Variants in CELF2 observed in about 807,000 individuals in gnomAD.
CELF2 encodes CUGBP Elav-like family member 2.
Under a neutral mutation model 62.6 loss-of-function variants are expected in CELF2, and 8 were observed. The ratio of observed to expected loss-of-function variants is 0.13; its 90% CI spans 0.07 to 0.23. The LOEUF is 0.23. Among genes scored for constraint, CELF2 ranks in the 10% least tolerant of loss-of-function variants. The pLI, the probability that CELF2 is intolerant of heterozygous loss-of-function variation, is 1.00. For missense variants in CELF2, 333 were observed against 671.0 expected, an observed-to-expected ratio of 0.50 and a Z score of 5.56; for synonymous variants, 258 against 250.0, an observed-to-expected ratio of 1.03 and a Z score of -0.30.
the CELF2 span, among the ~76,000 whole-genome samples, chr10:10,631,929 T>C: frequency 1.3e-5 from 2 of 152,198 alleles, no homozygotes; most frequent in African/African-American, 2.4e-5. Context: ...CTACATTTTT[T>C]GGAGTTGCAG....
chr10:11,114,310 A>T (rs770146570), intron 1 of CELF2, among the ~76,000 whole-genome samples: 1 of 152,246 alleles, frequency 6.6e-6, no homozygotes, highest in Non-Finnish European at 1.5e-5. Context: ...CCACAAGCAT[A>T]ATAGGTCAAT....
At chr10:11,298,889 G>A (rs754701425) in intron 9 of CELF2, among the ~76,000 whole-genome samples, 2 of 152,032 alleles carry the variant, frequency 1.3e-5, no homozygotes, top group East Asian at 3.8e-4. Context: ...AATAAGGTCC[G>A]ATGATGTTTA....
chr10:10,632,485 A>C, the CELF2 span, among the ~76,000 whole-genome samples: 4 of 152,124 alleles, frequency 2.6e-5, no homozygotes, highest in Admixed American at 2.6e-4. Flanking sequence ...AAAAAAGGAG[A>C]TAATCTAGAC....
At chr10:10,547,089 A>C in the CELF2 span, among the ~76,000 whole-genome samples, 1 of 152,332 alleles carries the variant, frequency 6.6e-6, no homozygotes, top group African/African-American at 2.4e-5. Flanking sequence ...CCTGGGCAAC[A>C]GAGTGAGACT....
At chr10:10,967,475 A>G (rs537180514) in intron 2 of CELF2, among the ~76,000 whole-genome samples, 1 of 152,236 alleles carries the variant, frequency 6.6e-6, no homozygotes, top group South Asian at 2.1e-4. Context: ...CGAGAGGGAA[A>G]TAAACATGCA....
Position 11,008,838 on chromosome 10 carries a change from C to T in CELF2, c.53+3398C>T. Among the ~76,000 whole-genome samples the T allele has an allele frequency of 6.6e-6, 1 of 152,128 alleles. No homozygotes were observed. The highest frequency in any genetic ancestry group is 1.9e-4 in the East Asian group (1 of 5,192). ...TGGAGATTTCTGTAACAGTCATTAA[C>T]AGAATGCAGTTTGTTTTGTGGCATC... On this transcript the variant is annotated intron_variant, in intron 1 of 12. Transcript: ENST00000416382. The surrounding 1 kb of genome is among the most constrained non-coding windows in gnomAD (Gnocchi z 4.5).
intron 1 of CELF2, among the ~76,000 whole-genome samples, chr10:11,084,592 G>C (rs1250825989): frequency 6.6e-6 from 1 of 152,132 alleles, no homozygotes; most frequent in Non-Finnish European, 1.5e-5. Context: ...TGATAATCAT[G>C]CACTTAAATT....
chr10:10,582,600 A>T, the CELF2 span, among the ~76,000 whole-genome samples: 1 of 152,140 alleles, frequency 6.6e-6, no homozygotes, highest in African/African-American at 2.4e-5. Context: ...GTAATGAGTA[A>T]TTTCCTCAGT....
chr10:11,005,177 T>C, upstream of CELF2: 1 of 1,433,468 alleles, frequency 7.0e-7, no homozygotes, highest in South Asian at 1.5e-5. The surrounding 1 kb of genome is among the most constrained non-coding windows in gnomAD (Gnocchi z 4.3). Context: ...TTATTTCTAC[T>C]TAGTGAATCT....
intron 1 of CELF2, among the ~76,000 whole-genome samples, chr10:10,883,537 G>T (rs2061566127): frequency 6.6e-6 from 1 of 152,124 alleles, no homozygotes; most frequent in South Asian, 2.1e-4. Flanking sequence ...CATGGATGCT[G>T]CCACCCGGAA....
the CELF2 span, among the ~76,000 whole-genome samples, chr10:10,507,817 C>T: frequency 4.6e-5 from 7 of 152,066 alleles, no homozygotes; most frequent in African/African-American, 1.7e-4. Flanking sequence ...AGGAATCATG[C>T]TTAAAAAAAT....
chr10:11,216,348 G>T (rs1010205313), intron 2 of CELF2, among the ~76,000 whole-genome samples: 2 of 151,980 alleles, frequency 1.3e-5, no homozygotes, highest in African/African-American at 4.8e-5. Context: ...AGCTCTTCTG[G>T]CCCCTGTCTG....
chr10:10,863,165 A>T (rs1199540605), intron 1 of CELF2, among the ~76,000 whole-genome samples: 2 of 151,900 alleles, frequency 1.3e-5, no homozygotes, highest in Non-Finnish European at 2.9e-5. Context: ...AAAGAACCCT[A>T]CTCCTCCTCC....
the CELF2 span, among the ~76,000 whole-genome samples, chr10:10,553,531 C>T: frequency 6.6e-6 from 1 of 152,120 alleles, no homozygotes. Flanking sequence ...CAGTCCACAG[C>T]ACCTTATATG....
At position 11,244,822 on chromosome 10, in the gene CELF2, G is replaced by T. The variant is rs184854998; in HGVS notation, c.355-4331G>T. On this transcript the variant is annotated intron_variant, in intron 3 of 12. Coordinates refer to ENST00000633077, the MANE Select transcript of CELF2 (RefSeq NM_001326342.2). The surrounding 1 kb of genome is among the most constrained non-coding windows in gnomAD (Gnocchi z 4.2). Reference sequence around the variant, plus strand: ...CTGAAATGTCCTTTCCACATCTTCCGGTTAACATGAGGATTGCTTTGAGAA... The same window carrying T: ...CTGAAATGTCCTTTCCACATCTTCCTGTTAACATGAGGATTGCTTTGAGAA... Among the ~76,000 whole-genome samples the T allele has an allele frequency of 2.0e-5, 3 of 152,100 alleles. No homozygotes were observed. The highest frequency in any genetic ancestry group is 4.4e-5 in the Non-Finnish European group (3 of 68,024).
intron 2 of CELF2, among the ~76,000 whole-genome samples, chr10:10,925,570 G>A (rs1230828232): frequency 6.6e-6 from 1 of 152,080 alleles, no homozygotes; most frequent in East Asian, 1.9e-4. Context: ...AAGAGAACTA[G>A]GGAAACACTG....
intron 1 of CELF2, 123 bp downstream of exon 1, chr10:11,018,286 C>A: frequency 1.4e-6 from 1 of 712,476 alleles, no homozygotes; most frequent in South Asian, 2.5e-5. Flanking sequence ...GATCCGTCGC[C>A]TCCCTCGGCC....
intron 1 of CELF2, among the ~76,000 whole-genome samples, chr10:10,848,980 A>T (rs1185055694): frequency 1.3e-5 from 2 of 152,144 alleles, no homozygotes; most frequent in African/African-American, 4.8e-5. Flanking sequence ...AGCCTCTCTC[A>T]CTATCCTGGA....
At position 11,098,811 on chromosome 10, in the gene CELF2, T is replaced by G. The variant is rs2050644242; in HGVS notation, c.75-66675T>G. ...CTGGACAGCTGATTTGACCGAGGCT[T>G]CTTGGCTCTGCACCGGGTGATAATT... is the stretch of plus-strand genomic sequence containing the variant. On this transcript the variant is annotated intron_variant, in intron 1 of 12. Coordinates refer to ENST00000633077, the MANE Select transcript of CELF2 (RefSeq NM_001326342.2). This position sits in a 1 kb window ranked among gnomAD's most constrained non-coding sequence, Gnocchi z 4.0. Among the ~76,000 whole-genome samples the G allele has an allele frequency of 6.6e-6, 1 of 152,196 alleles. No individual in the cohort carries two copies.
Sources: allele counts gnomAD v4.1 joint callset (sites outside exome capture counted in the v4.1 genomes callset), GRCh38; gene constraint gnomAD v4.1.1; non-coding constraint Gnocchi (gnomAD v3.1); transcripts MANE v1.5; gene names NCBI Gene and HGNC (gene_info 2026-07-23, HGNC 2026-07-21).